NLRP3: variants seen among roughly 807,000 people sequenced by gnomAD.
NLRP3 encodes the protein NACHT, LRR and PYD domains-containing protein 3.
NLRP3 carries 48 observed loss-of-function variants against 91.3 expected under a neutral mutation model. The ratio of observed to expected loss-of-function variants is 0.53; its 90% CI spans 0.42 to 0.67. The LOEUF is 0.67. Among genes scored for constraint, NLRP3 ranks in the 30% least tolerant of loss-of-function variants. The pLI, the probability that NLRP3 is intolerant of heterozygous loss-of-function variation, is 0.00. For synonymous variants in NLRP3, 561 were observed against 507.9 expected (o/e 1.10, Z -1.41); for missense variants, 982 against 1,276.9 (o/e 0.77, Z 3.52).
Position 247,424,174 on chromosome 1 carries a change from C to T in NLRP3, c.725C>T (p.Ala242Val), listed in dbSNP as rs1041601343. The change falls in exon 4 of 10, where the codon GCG (alanine) becomes GTG (valine). Residue 242 changes from alanine to valine, a missense_variant. Coordinates refer to ENST00000336119, the MANE Select transcript of NLRP3 (RefSeq NM_001243133.2). The surrounding 1 kb of genome is among the most constrained non-coding windows in gnomAD (Gnocchi z 8.1). The stretch of plus-strand genomic sequence containing the variant: ...GCCAGGAAGATGATGTTGGACTGGG[C>T]GTCGGGGACACTCTACCAAGACAGG... ...ILARKMMLDW[A>V]SGTLYQDRFD... The T allele has an allele frequency of 6.2e-7, 1 of 1,614,010 alleles. No homozygotes were observed. Among genetic ancestry groups the T allele is most frequent in the Non-Finnish European group, 8.5e-7 (1 of 1,179,980 alleles).
At chr1:247,443,560 TAAA>T (rs75792988) in intron 7 of NLRP3, among the ~76,000 whole-genome samples, 2 of 123,072 alleles carry the variant, frequency 1.6e-5, no homozygotes, top group African/African-American at 5.7e-5. Context: ...CTGTCTCTCT[TAAA>T]AAAAAAAAAA....
chr1:247,446,221 G>A (rs928776018), intron 9 of NLRP3, among the ~76,000 whole-genome samples: 3 of 152,134 alleles, frequency 2.0e-5, no homozygotes, highest in East Asian at 3.9e-4. Flanking sequence ...CCAGCTTCAC[G>A]GCTTCTTCCT....
intron 6 of NLRP3, among the ~76,000 whole-genome samples, 153 bp downstream of exon 6, chr1:247,434,426 G>T (rs992224324): frequency 2.6e-5 from 4 of 152,174 alleles, no homozygotes; most frequent in African/African-American, 7.2e-5. Flanking sequence ...CTAGCATTGC[G>T]GTCAGTGAGT....
intron 9 of NLRP3, among the ~76,000 whole-genome samples, chr1:247,447,292 A>G (rs1664642705): frequency 1.3e-5 from 2 of 152,120 alleles, no homozygotes; most frequent in Non-Finnish European, 2.9e-5. Flanking sequence ...GGCAAGGGAG[A>G]GAAGACAGGG....
rs566222311 is a variant in NLRP3, at chr1:247,425,885, T to C, written c.2150+286T>C. On this transcript the variant is annotated intron_variant, in intron 4 of 9. Coordinates refer to ENST00000336119, the MANE Select transcript of NLRP3 (RefSeq NM_001243133.2). This position sits in a 1 kb window ranked among gnomAD's most constrained non-coding sequence, Gnocchi z 4.1. Reference sequence around the variant, plus strand: ...ATGTAGGATTGCCTACAAATATTTGTCAACTGAAATTTCTTGTAAGCTACT... The same window carrying C: ...ATGTAGGATTGCCTACAAATATTTGCCAACTGAAATTTCTTGTAAGCTACT... 11 of 440,714 alleles carry C rather than the reference T, an allele frequency of 2.5e-5. No individual in the cohort carries two copies. Among genetic ancestry groups the C allele is most frequent in the African/African-American group, 2.0e-4 (10 of 50,206 alleles). The allele number at this position is 440,714 out of a possible 1,614,324, so 27.3% of individuals were successfully genotyped here.
chr1:247,424,991 G>A lies in NLRP3; in HGVS notation c.1542G>A (p.Lys514=), dbSNP rs762718092. 3 of 1,614,196 alleles carry A rather than the reference G, an allele frequency of 1.9e-6. No homozygotes were observed. The South Asian group carries it at 3.3e-5, about 18-fold the overall frequency. ...TCCAAAAGGAAGTGGACTGCGAGAA[G>A]TTCTACAGCTTCATCCACATGACTT... ...NLFQKEVDCE[K]FYSFIHMTFQ... The change falls in exon 4 of 10, where the codon AAG becomes AAA. Residue 514 remains lysine (K), a synonymous_variant. Coordinates refer to ENST00000336119, the MANE Select transcript of NLRP3 (RefSeq NM_001243133.2). This position sits in a 1 kb window ranked among gnomAD's most constrained non-coding sequence, Gnocchi z 8.1.
At chr1:247,422,385 A>AAG (rs1662528596) in intron 2 of NLRP3, among the ~76,000 whole-genome samples, 2 of 151,580 alleles carry the variant, frequency 1.3e-5, no homozygotes, top group African/African-American at 4.9e-5. Context: ...TCTCAAAAAA[A>AAG]AAAAAAAAAT....
chr1:247,435,938 A>T (rs1663760148), intron 6 of NLRP3, 32 bp from the exon 7 acceptor site: 1 of 1,610,754 alleles, frequency 6.2e-7, no homozygotes, highest in Non-Finnish European at 8.5e-7. Context: ...TGGGTGAGAG[A>T]CATGACTGAC....
At chr1:247,443,066 C>G (rs974380658) in intron 7 of NLRP3, among the ~76,000 whole-genome samples, 1 of 152,122 alleles carries the variant, frequency 6.6e-6, no homozygotes, top group African/African-American at 2.4e-5. Flanking sequence ...GCTGGGATTA[C>G]AGGTGCCCAC....
Position 247,425,152 on chromosome 1 carries a change from AG to A in NLRP3, c.1707del (p.Tyr570IlefsTer2). 6.2e-7 allele frequency: 1 copy of A among 1,614,112 alleles called. No homozygotes were observed. The highest frequency in any genetic ancestry group is 8.5e-7 in the Non-Finnish European group (1 of 1,180,020). Reference protein sequence around the residue: ...VLLENYGKFEKGYLIFVVRFL... With the variant: ...VLLENYGKFEXGYLIFVVRFL... ...CTGGAAAACTATGGCAAATTCGAAA[AG>A]GGGTATTTGATTTTTGTTGTACGTT... is the stretch of plus-strand genomic sequence containing the variant. On this transcript the variant is annotated frameshift_variant, in exon 4 of 10. Transcript: ENST00000336119. LOFTEE classifies it high-confidence loss of function. This position sits in a 1 kb window ranked among gnomAD's most constrained non-coding sequence, Gnocchi z 4.1.
At chr1:247,442,393 G>T (rs1664295657) in intron 7 of NLRP3, among the ~76,000 whole-genome samples, 1 of 152,224 alleles carries the variant, frequency 6.6e-6, no homozygotes, top group Non-Finnish European at 1.5e-5. Flanking sequence ...TGGAATAGAA[G>T]CATCTGTGCT....
Position 247,424,714 on chromosome 1 carries a change from A to C in NLRP3, c.1265A>C (p.Gln422Pro). ...TGGATCGTGTGCACTGGACTGAAAC[A>C]GCAGATGGAGAGTGGCAAGAGCCTT... ...VCWIVCTGLKQQMESGKSLAQ... is the reference protein window; with the variant it reads ...VCWIVCTGLKPQMESGKSLAQ... Residue 422 changes from glutamine to proline, a missense_variant, in exon 4 of 10, where the codon CAG becomes CCG. Around this residue, in one of 5 missense-constraint regions of NLRP3, gnomAD observed 548 missense variants for 713.7 expected, o/e 0.77. Transcript: ENST00000336119. The surrounding 1 kb of genome is among the most constrained non-coding windows in gnomAD (Gnocchi z 8.1). 1 of 1,614,174 alleles carries C rather than the reference A, an allele frequency of 6.2e-7. No homozygotes were observed. Among genetic ancestry groups the C allele is most frequent in the Non-Finnish European group, 8.5e-7 (1 of 1,180,044 alleles).
Position 247,448,800 on chromosome 1 carries a change from A to T in NLRP3, c.*296A>T, listed in dbSNP as rs1664767999. On this transcript the variant is annotated 3_prime_UTR_variant, in exon 10 of 10. Transcript: ENST00000336119. ...CCTCATGTAATTAGCTCATTCAATA[A>T]AGCACTTTCTTTATTTTTCTCTTCT... The T allele has an allele frequency of 4.8e-6, 2 of 413,574 alleles. No homozygotes were observed. Among genetic ancestry groups the T allele is most frequent in the East Asian group, 4.4e-5 (1 of 22,830 alleles). 25.6% of individuals were successfully genotyped at this position (413,574 alleles called of 1,614,324 possible).
At chr1:247,436,654 T>A (rs1663809663) in intron 7 of NLRP3, among the ~76,000 whole-genome samples, 1 of 152,238 alleles carries the variant, frequency 6.6e-6, no homozygotes, top group Non-Finnish European at 1.5e-5. Flanking sequence ...TTAGTGTCTG[T>A]CTTTGAAATG....
At chr1:247,438,385 T>G (rs1292791691) in intron 7 of NLRP3, among the ~76,000 whole-genome samples, 2 of 140,784 alleles carry the variant, frequency 1.4e-5, no homozygotes, top group East Asian at 2.0e-4. Flanking sequence ...TGTGTTTTTT[T>G]TTTTTTTTTT....
chr1:247,435,097 C>T (rs962352061), intron 6 of NLRP3, among the ~76,000 whole-genome samples: 2 of 152,004 alleles, frequency 1.3e-5, no homozygotes, highest in Non-Finnish European at 2.9e-5. Context: ...ACTAAAAATA[C>T]AAAAATTAGC....
intron 7 of NLRP3, among the ~76,000 whole-genome samples, chr1:247,441,875 T>C (rs1664266746): frequency 1.3e-5 from 2 of 152,390 alleles, no homozygotes; most frequent in South Asian, 2.1e-4. Flanking sequence ...AAACATCTGT[T>C]GAATAATCCA....
chr1:247,424,100 G>C lies in NLRP3; in HGVS notation c.651G>C (p.Val217=), dbSNP rs201584398. Residue 217 remains valine (V), a synonymous_variant, in exon 4 of 10, where the codon GTG becomes GTC. Coordinates refer to ENST00000336119, the MANE Select transcript of NLRP3 (RefSeq NM_001243133.2). This position sits in a 1 kb window ranked among gnomAD's most constrained non-coding sequence, Gnocchi z 8.1. ...FDPDDEHSEP[V]HTVVFQGAAG... ...CCGATGATGAGCATTCTGAGCCTGT[G>C]CACACCGTGGTGTTCCAGGGGGCGG... The C allele has an allele frequency of 6.2e-7, 1 of 1,614,096 alleles. No homozygotes were observed. The highest frequency in any genetic ancestry group is 1.1e-5 in the South Asian group (1 of 91,066).
chr1:247,448,586 T>C lies in NLRP3; in HGVS notation c.*82T>C. 2 of 854,382 alleles carry C rather than the reference T, an allele frequency of 2.3e-6. No homozygotes were observed. The highest frequency in any genetic ancestry group is 4.1e-6 in the Non-Finnish European group (2 of 489,798). 52.9% of individuals were successfully genotyped at this position (854,382 alleles called of 1,614,324 possible). A position where few individuals can be genotyped will look rare whatever the true frequency, so the allele number is the denominator to read the frequency against. Reference sequence around the variant, plus strand: ...CTCAGGTGGAGAGAGCTGCGATCCATCCAGGCCAAGACCACAGCTCTGTGA... The same window carrying C: ...CTCAGGTGGAGAGAGCTGCGATCCACCCAGGCCAAGACCACAGCTCTGTGA... On this transcript the variant is annotated 3_prime_UTR_variant, in exon 10 of 10. Transcript: ENST00000336119.
Sources: allele counts gnomAD v4.1 joint callset (sites outside exome capture counted in the v4.1 genomes callset), GRCh38; gene constraint gnomAD v4.1.1; regional missense constraint gnomAD v4.1.1; non-coding constraint Gnocchi (gnomAD v3.1); transcripts MANE v1.5; gene names NCBI Gene and HGNC (gene_info 2026-07-23, HGNC 2026-07-21).